Variants in HECTD4 observed in about 807,000 individuals in gnomAD.
HECTD4 encodes the protein probable E3 ubiquitin-protein ligase HECTD4.
In HECTD4, 114 loss-of-function variants were observed where a neutral mutation model predicts 471.5. That is an observed-to-expected ratio of 0.24 (90% CI 0.21 to 0.28). The LOEUF is 0.28. HECTD4 is among the 10% of genes least tolerant of loss of function. HECTD4 has a pLI of 1.00. For synonymous variants in HECTD4, 2,012 were observed against 2,256.0 expected, an observed-to-expected ratio of 0.89 and a Z score of 3.07; for missense variants, 3,866 against 5,651.5, an observed-to-expected ratio of 0.68 and a Z score of 10.13.
At chr12:112,306,573 G>A (rs1205005912) in intron 6 of HECTD4, among the ~76,000 whole-genome samples, 6 of 152,082 alleles carry the variant, frequency 3.9e-5, no homozygotes, top group African/African-American at 1.4e-4. Context: ...TAAAAACAAA[G>A]TTTTAGAGAA....
At chr12:112,347,186 G>A (rs1051801540) in intron 1 of HECTD4, among the ~76,000 whole-genome samples, 1 of 151,990 alleles carries the variant, frequency 6.6e-6, no homozygotes, top group African/African-American at 2.4e-5. Flanking sequence ...GATGATAAAT[G>A]AGTTGGTGTC....
chr12:112,270,502 T>C (rs779237709), intron 11 of HECTD4, 43 bp from the exon 12 acceptor site: 45 of 1,500,698 alleles, frequency 3.0e-5, no homozygotes, highest in Non-Finnish European at 4.2e-5. Context: ...GACATCTCTA[T>C]GGGTGGTCCC....
intron 67 of HECTD4, among the ~76,000 whole-genome samples, 166 bp downstream of exon 67, chr12:112,172,505 C>T (rs2031266515): frequency 2.0e-5 from 3 of 152,270 alleles, no homozygotes; most frequent in Admixed American, 2.0e-4. Context: ...GCCTTGCCCT[C>T]CCTGTTTCGT....
chr12:112,263,535 A>G (rs2034194722), intron 17 of HECTD4, among the ~76,000 whole-genome samples: 2 of 152,204 alleles, frequency 1.3e-5, no homozygotes. Flanking sequence ...TAGTGAGTTT[A>G]CACAGAAGCT....
intron 1 of HECTD4, among the ~76,000 whole-genome samples, chr12:112,379,445 GC>G (rs2036848237): frequency 6.6e-6 from 1 of 152,208 alleles, no homozygotes; most frequent in Admixed American, 6.5e-5. Context: ...TGTAATCCCA[GC>G]ACTTTGGGAG....
At chr12:112,225,651 C>A in intron 44 of HECTD4, among the ~76,000 whole-genome samples, 1 of 147,304 alleles carries the variant, frequency 6.8e-6, no homozygotes, top group Admixed American at 6.7e-5. Flanking sequence ...TAAGAGGAAT[C>A]TATATTTTAA....
At position 112,179,179 on chromosome 12, in the gene HECTD4, T is replaced by C. The variant is rs1480025032; in HGVS notation, c.11206A>G (p.Thr3736Ala). ...PPKKVLEDQL[T>A]QILRKYGVPK... is the part of the protein sequence containing the mutation. ...TGGTGGGGACGGGCAGCTACCTGGG[T>C]GAGCTGATCCTCCAGCACCTTTTTT... Residue 3736 changes from threonine (T) to alanine (A), a missense_variant, in exon 63 of 76, where the codon ACC becomes GCC. Thr to Ala is a moderately conservative substitution (Grantham distance 58, BLOSUM62 0). Transcript: ENST00000682272. This position sits in a 1 kb window ranked among gnomAD's most constrained non-coding sequence, Gnocchi z 4.3. 1.2e-6 allele frequency: 2 copies of C among 1,613,564 alleles called. No individual in the cohort carries two copies. Among genetic ancestry groups the C allele is most frequent in the Admixed American group, 3.3e-5 (2 of 59,952 alleles).
rs1395761689 is a variant in HECTD4, at chr12:112,269,698, G to A, written c.2321+6C>T. On this transcript the variant is annotated splice_donor_region_variant and intron_variant, in intron 13 of 75. Transcript: ENST00000682272. The stretch of plus-strand genomic sequence containing the variant: ...GAGAGCACTACAAAAATCATTAGCT[G>A]TTTACCTGATGGCAAGGCAGACTTC... 6.2e-7 allele frequency: 1 copy of A among 1,613,702 alleles called. No individual in the cohort carries two copies. The highest frequency in any genetic ancestry group is 1.3e-5 in the African/African-American group (1 of 74,912).
rs945892072 is a variant in HECTD4 at position 112,193,762 on chromosome 12, C to G, written c.8750-88G>C. 7 of 1,134,626 alleles carry G rather than the reference C, an allele frequency of 6.2e-6. No homozygotes were observed. Among genetic ancestry groups the G allele is most frequent in the Non-Finnish European group, 9.0e-6 (7 of 775,340 alleles). The allele number at this position is 1,134,626 out of a possible 1,614,324, so 70.3% of individuals were successfully genotyped here. Reference sequence around the variant, plus strand: ...AAGTAACAGAAAATGAATAACCCATCCAGAAACCCCAGATGGGAGGGTTAT... The same window carrying G: ...AAGTAACAGAAAATGAATAACCCATGCAGAAACCCCAGATGGGAGGGTTAT... On this transcript the variant is annotated intron_variant, in intron 56 of 75. Coordinates refer to ENST00000682272, the MANE Select transcript of HECTD4 (RefSeq NM_001388303.1). The surrounding 1 kb of genome is among the most constrained non-coding windows in gnomAD (Gnocchi z 5.2).
At chr12:112,189,653 C>T (rs1258141361) in intron 60 of HECTD4, among the ~76,000 whole-genome samples, 2 of 151,940 alleles carry the variant, frequency 1.3e-5, no homozygotes, top group Non-Finnish European at 2.9e-5. Context: ...GTCCTCTGTG[C>T]CTCCAGCTCA....
At chr12:112,256,938 C>T (rs2034026208) in intron 20 of HECTD4, 1 of 152,258 alleles carries the variant, frequency 6.6e-6, no homozygotes, top group African/African-American at 2.4e-5. Context: ...ATCCTGTAAA[C>T]ATTTCCTTTT....
At chr12:112,217,336 T>G in intron 45 of HECTD4, 141 bp from the exon 46 acceptor site, 5 of 409,514 alleles carry the variant, frequency 1.2e-5, no homozygotes, top group Non-Finnish European at 1.7e-5. Context: ...CACACACACA[T>G]ACACACACAC....
At chr12:112,236,484 T>C (rs1167984888) in intron 35 of HECTD4, among the ~76,000 whole-genome samples, 1 of 152,246 alleles carries the variant, frequency 6.6e-6, no homozygotes, top group Non-Finnish European at 1.5e-5. Context: ...CTAAATAACA[T>C]GCAGTCAGTC....
intron 48 of HECTD4, among the ~76,000 whole-genome samples, 195 bp from the exon 49 acceptor site, chr12:112,212,845 G>C (rs1253523720): frequency 6.6e-6 from 1 of 152,130 alleles, no homozygotes; most frequent in East Asian, 1.9e-4. Context: ...GCCCAGGCTG[G>C]AGTACAGTGG....
At chr12:112,283,074 C>A in intron 8 of HECTD4, 36 bp downstream of exon 8, 1 of 1,566,154 alleles carries the variant, frequency 6.4e-7, no homozygotes, top group Non-Finnish European at 8.7e-7. Flanking sequence ...CAGAGCTATA[C>A]AAGGAAACAG....
intron 10 of HECTD4, among the ~76,000 whole-genome samples, chr12:112,274,018 T>C (rs953359582): frequency 6.6e-6 from 1 of 152,252 alleles, no homozygotes; most frequent in African/African-American, 2.4e-5. Flanking sequence ...GGAGTAAATC[T>C]CACAAAATAG....
chr12:112,381,906 C>G lies in HECTD4; in HGVS notation c.177+46G>C. On this transcript the variant is annotated intron_variant, in intron 1 of 75. Coordinates refer to ENST00000682272, the MANE Select transcript of HECTD4 (RefSeq NM_001388303.1). This position sits in a 1 kb window ranked among gnomAD's most constrained non-coding sequence, Gnocchi z 4.1. ...GGGGGCCCGACCCGGGGGTGCCGGGCGAGTGGGTCAGTCCGATGGCGGGGG... is the reference window on the plus strand; with the variant it reads ...GGGGGCCCGACCCGGGGGTGCCGGGGGAGTGGGTCAGTCCGATGGCGGGGG... 8.3e-7 allele frequency: 1 copy of G among 1,201,700 alleles called. No homozygotes were observed. Among genetic ancestry groups the G allele is most frequent in the Non-Finnish European group, 1.0e-6 (1 of 963,842 alleles). The allele number at this position is 1,201,700 out of a possible 1,614,324, so 74.4% of individuals were successfully genotyped here. A position where few individuals can be genotyped will look rare whatever the true frequency, so the allele number is the denominator to read the frequency against.
intron 18 of HECTD4, among the ~76,000 whole-genome samples, chr12:112,260,904 T>C (rs748623876): frequency 6.6e-6 from 1 of 152,146 alleles, no homozygotes; most frequent in Non-Finnish European, 1.5e-5. Context: ...AATCTTGAGG[T>C]ACCACATCAG....
intron 27 of HECTD4, among the ~76,000 whole-genome samples, chr12:112,247,821 A>G (rs1292629607): frequency 6.6e-6 from 1 of 152,126 alleles, no homozygotes; most frequent in Non-Finnish European, 1.5e-5. Flanking sequence ...ACTTCTTTAT[A>G]TATCTTTATA....
Sources: gnomAD v4.1 joint callset for allele counts (sites outside exome capture counted in the v4.1 genomes callset) on GRCh38, gnomAD v4.1.1 for gene constraint, Gnocchi (gnomAD v3.1) non-coding constraint, MANE v1.5 for transcripts, NCBI Gene and HGNC (gene_info 2026-07-23, HGNC 2026-07-21) for gene names.